The following IL1RAPL2 variants were observed in gnomAD, a reference collection of about 807,000 sequenced individuals.
IL1RAPL2 encodes the protein interleukin 1 receptor accessory protein like 2, also known as X-linked interleukin-1 receptor accessory protein-like 2.
A neutral mutation model predicts 44.1 loss-of-function variants in IL1RAPL2; 3 were observed. The ratio of observed to expected loss-of-function variants is 0.07; its 90% CI spans 0.03 to 0.18. IL1RAPL2 has a LOEUF of 0.18. Ranked by LOEUF, IL1RAPL2 falls within the 10% of genes least tolerant of loss-of-function variation. IL1RAPL2 has a pLI of 1.00. For missense variants in IL1RAPL2, 391 were observed against 496.4 expected, an observed-to-expected ratio of 0.79 and a Z score of 2.02; for synonymous variants, 181 against 178.8, an observed-to-expected ratio of 1.01 and a Z score of -0.10.
At chrX:105,348,547 T>C (rs1423186483) in intron 5 of IL1RAPL2, among the ~76,000 whole-genome samples, 1 of 111,749 alleles carries the variant, frequency 8.9e-6, no homozygotes, top group Non-Finnish European at 1.9e-5. Flanking sequence ...CATGTGTCTT[T>C]ACTAGCATAA....
At chrX:105,134,958 A>G (rs896927468) in intron 2 of IL1RAPL2, among the ~76,000 whole-genome samples, 2 of 108,156 alleles carry the variant, frequency 1.8e-5, no homozygotes, top group African/African-American at 6.8e-5. Flanking sequence ...GTCTCACTAC[A>G]TGGATCAAAG....
intron 2 of IL1RAPL2, among the ~76,000 whole-genome samples, chrX:104,719,793 C>A (rs982737613): frequency 2.3e-4 from 26 of 111,312 alleles, no homozygotes; most frequent in Non-Finnish European, 3.8e-4. Context: ...TTAGCAAGAA[C>A]CTCAACCCAG....
At chrX:104,689,915 C>G (rs1462170487) in intron 2 of IL1RAPL2, among the ~76,000 whole-genome samples, 2 of 111,999 alleles carry the variant, frequency 1.8e-5, no homozygotes, top group Non-Finnish European at 3.8e-5. Flanking sequence ...TTCCACCTGT[C>G]CATGACTTGG....
chrX:105,213,894 G>T (rs782571037), intron 3 of IL1RAPL2, among the ~76,000 whole-genome samples: 1 of 109,307 alleles, frequency 9.1e-6, no homozygotes, highest in Non-Finnish European at 1.9e-5. Flanking sequence ...AAGCAAAGGA[G>T]AAATAAAATC....
chrX:104,610,940 C>A (rs1035872806), intron 1 of IL1RAPL2, among the ~76,000 whole-genome samples: 5 of 111,687 alleles, frequency 4.5e-5, no homozygotes, highest in Non-Finnish European at 7.5e-5. Context: ...TTGGAGTTTG[C>A]TGGAGGTCCA....
intron 6 of IL1RAPL2, among the ~76,000 whole-genome samples, chrX:105,504,058 C>T (rs1467531200): frequency 8.9e-6 from 1 of 111,876 alleles, no homozygotes; most frequent in Admixed American, 9.5e-5. Flanking sequence ...CAAGTCATAG[C>T]ACCATACCTA....
chrX:105,142,218 A>C (rs1443001569), intron 2 of IL1RAPL2, among the ~76,000 whole-genome samples: 1 of 112,089 alleles, frequency 8.9e-6, no homozygotes, highest in Non-Finnish European at 1.9e-5. Context: ...TATGTGTCCA[A>C]CACTTTTGCG....
At chrX:104,993,851 T>C (rs1306292937) in intron 2 of IL1RAPL2, among the ~76,000 whole-genome samples, 1 of 111,751 alleles carries the variant, frequency 8.9e-6, no homozygotes, top group African/African-American at 3.2e-5. Context: ...GCTGTCTGAG[T>C]CTAGAGAACT....
At chrX:104,675,875 A>T (rs1250346950) in intron 2 of IL1RAPL2, among the ~76,000 whole-genome samples, 1 of 105,804 alleles carries the variant, frequency 9.5e-6, no homozygotes, top group Non-Finnish European at 2.0e-5. Context: ...GTCTCTTTCG[A>T]TCTCTGTTGG....
At chrX:104,862,350 G>A (rs1188746897) in intron 2 of IL1RAPL2, among the ~76,000 whole-genome samples, 1 of 109,884 alleles carries the variant, frequency 9.1e-6, no homozygotes, top group Admixed American at 9.9e-5. Flanking sequence ...ATATGTTGAA[G>A]TCCTCATACC....
At position 104,700,578 on chromosome X, in the gene IL1RAPL2, C is replaced by T. The variant is rs191313871; in HGVS notation, c.82+41583C>T. Among the ~76,000 whole-genome samples, 431 of 112,058 alleles carry T rather than the reference C, an allele frequency of 3.8e-3. 1 individual carries two copies. Among genetic ancestry groups the T allele is most frequent in the Non-Finnish European group, 3.9e-3 (209 of 53,258 alleles). On this transcript the variant is annotated intron_variant, in intron 2 of 10. Transcript: ENST00000372582. ...TGTTTTCACATTATTACCCTGTTCACATTTCTAAAAGGCAGAGTGAATTCT... is the reference window on the plus strand; with the variant it reads ...TGTTTTCACATTATTACCCTGTTCATATTTCTAAAAGGCAGAGTGAATTCT...
chrX:105,356,168 G>C (rs1186798180), intron 5 of IL1RAPL2, among the ~76,000 whole-genome samples: 1 of 99,744 alleles, frequency 1.0e-5, no homozygotes, highest in Admixed American at 1.0e-4. Flanking sequence ...GTGTATGTGT[G>C]TGTGTGTGTG....
At chrX:105,498,131 G>A (rs2036368418) in intron 6 of IL1RAPL2, among the ~76,000 whole-genome samples, 2 of 111,714 alleles carry the variant, frequency 1.8e-5, no homozygotes, top group African/African-American at 6.5e-5. Context: ...CTCACAAATG[G>A]CATAATCTTG....
At chrX:104,976,801 G>C in intron 2 of IL1RAPL2, among the ~76,000 whole-genome samples, 1 of 109,881 alleles carries the variant, frequency 9.1e-6, no homozygotes, top group Middle Eastern at 4.7e-3. Context: ...CCTGATTGGG[G>C]CCACAGAAAA....
chrX:104,577,805 C>T (rs1928270585), intron 1 of IL1RAPL2, among the ~76,000 whole-genome samples: 1 of 110,608 alleles, frequency 9.0e-6, no homozygotes, highest in Non-Finnish European at 1.9e-5. Context: ...AGTGGGGTGG[C>T]AGTCTGGCAA....
At position 105,565,582 on chromosome X, in the gene IL1RAPL2, A is replaced by G. The variant is rs753475627; in HGVS notation, c.772+81195A>G. Among the ~76,000 whole-genome samples the G allele has an allele frequency of 2.1e-4, 23 of 112,091 alleles. No individual in the cohort carries two copies. In the South Asian group the frequency reaches 8.5e-3, roughly 41 times the overall value. On this transcript the variant is annotated intron_variant, in intron 6 of 10. Transcript: ENST00000372582. Reference sequence around the variant, plus strand: ...TCTAATTACAATTTATAACCAAAGTACAAAATAATTGAGTTAACTTTCAGT... The same window carrying G: ...TCTAATTACAATTTATAACCAAAGTGCAAAATAATTGAGTTAACTTTCAGT...
At chrX:104,779,620 C>G (rs182152954) in intron 2 of IL1RAPL2, among the ~76,000 whole-genome samples, 27 of 111,852 alleles carry the variant, frequency 2.4e-4, no homozygotes, top group Non-Finnish European at 2.1e-4. Flanking sequence ...ACTTAATACT[C>G]TCAACCCAAT....
At chrX:105,440,534 A>G (rs1271983212) in intron 5 of IL1RAPL2, among the ~76,000 whole-genome samples, 1 of 111,887 alleles carries the variant, frequency 8.9e-6, no homozygotes, top group East Asian at 2.8e-4. Flanking sequence ...ATAACTTTGG[A>G]GTTTTGAATG....
intron 2 of IL1RAPL2, among the ~76,000 whole-genome samples, chrX:104,818,417 C>A (rs1416396161): frequency 9.5e-6 from 1 of 105,228 alleles, no homozygotes; most frequent in Non-Finnish European, 1.9e-5. Flanking sequence ...GGAATGTAAT[C>A]TTGGGAGAAG....
Sources: gnomAD v4.1 joint callset for allele counts (sites outside exome capture counted in the v4.1 genomes callset) on GRCh38, gnomAD v4.1.1 for gene constraint, MANE v1.5 for transcripts, NCBI Gene and HGNC (gene_info 2026-07-23, HGNC 2026-07-21) for gene names.